SCFD2: variants seen among roughly 807,000 people sequenced by gnomAD.
The protein encoded by SCFD2 is sec1 family domain-containing protein 2.
Under a neutral mutation model 58.9 loss-of-function variants are expected in SCFD2, and 54 were observed. The observed-to-expected ratio is 0.92, with a 90% CI of 0.74 to 1.15. SCFD2 has a LOEUF of 1.15. SCFD2 is among the 50% of genes most tolerant of loss of function. SCFD2 has a pLI of 0.00. For synonymous variants in SCFD2, 321 were observed against 335.9 expected (o/e 0.96, Z 0.49); for missense variants, 805 against 836.6 (o/e 0.96, Z 0.47).
chr4:53,199,670 C>T (rs1271829917), intron 4 of SCFD2, among the ~76,000 whole-genome samples: 1 of 152,052 alleles, frequency 6.6e-6, no homozygotes, highest in Non-Finnish European at 1.5e-5. Context: ...AGCAGCAAGA[C>T]TTGATGAACT....
intron 5 of SCFD2, among the ~76,000 whole-genome samples, chr4:53,136,763 G>C (rs1725955556): frequency 6.6e-6 from 1 of 152,146 alleles, no homozygotes; most frequent in Admixed American, 6.5e-5. Flanking sequence ...AGATCCACTT[G>C]ACTCCGAATC....
At chr4:53,020,498 C>T (rs984199073) in intron 5 of SCFD2, among the ~76,000 whole-genome samples, 1 of 152,202 alleles carries the variant, frequency 6.6e-6, no homozygotes, top group African/African-American at 2.4e-5. Context: ...TCTACATCCC[C>T]ATCCAGTCAG....
chr4:52,996,176 C>T (rs566535618), intron 5 of SCFD2, among the ~76,000 whole-genome samples: 2 of 152,322 alleles, frequency 1.3e-5, no homozygotes, highest in Admixed American at 6.5e-5. Context: ...AGGGACCAGA[C>T]TTACTTGAAA....
intron 4 of SCFD2, among the ~76,000 whole-genome samples, chr4:53,198,921 C>T (rs920832936): frequency 2.0e-5 from 3 of 151,992 alleles, no homozygotes; most frequent in African/African-American, 7.2e-5. Context: ...TCATAATTAC[C>T]GTCCAAAAGA....
chr4:53,201,102 C>CA (rs1728219441), intron 4 of SCFD2, among the ~76,000 whole-genome samples: 3 of 151,830 alleles, frequency 2.0e-5, no homozygotes, highest in African/African-American at 7.3e-5. Flanking sequence ...TATACATGTG[C>CA]CATGTTGGTG....
chr4:53,099,810 A>C (rs1219458184), intron 5 of SCFD2, among the ~76,000 whole-genome samples: 1 of 152,142 alleles, frequency 6.6e-6, no homozygotes, highest in Non-Finnish European at 1.5e-5. Context: ...AACACCGGGG[A>C]TCAAATTTCA....
chr4:53,188,933 C>T (rs1195904697), intron 4 of SCFD2, among the ~76,000 whole-genome samples: 1 of 152,150 alleles, frequency 6.6e-6, no homozygotes, highest in African/African-American at 2.4e-5. Context: ...TTAGGGGACT[C>T]TCCCATTTTG....
intron 4 of SCFD2, among the ~76,000 whole-genome samples, chr4:53,256,902 G>C: frequency 7.4e-6 from 1 of 134,630 alleles, no homozygotes; most frequent in South Asian, 2.7e-4. Context: ...GGGAGAGAGG[G>C]AGGGGGACGG....
intron 5 of SCFD2, among the ~76,000 whole-genome samples, chr4:53,034,833 A>T (rs1443329676): frequency 6.6e-6 from 1 of 152,242 alleles, no homozygotes; most frequent in Non-Finnish European, 1.5e-5. Flanking sequence ...GAGGACACAA[A>T]CAAATGTAAG....
At chr4:52,924,441 C>T (rs369356941) in intron 5 of SCFD2, among the ~76,000 whole-genome samples, 36 of 152,052 alleles carry the variant, frequency 2.4e-4, no homozygotes, top group Non-Finnish European at 4.3e-4. Flanking sequence ...AACTGCTGGA[C>T]GGAAAATGCA....
chr4:53,146,468 A>G (rs1726335111), intron 4 of SCFD2, among the ~76,000 whole-genome samples: 1 of 152,222 alleles, frequency 6.6e-6, no homozygotes, highest in Admixed American at 6.5e-5. Context: ...TATCATATTC[A>G]AATCAGGGGC....
At chr4:53,172,881 C>T (rs1727220279) in intron 4 of SCFD2, among the ~76,000 whole-genome samples, 1 of 152,060 alleles carries the variant, frequency 6.6e-6, no homozygotes, top group African/African-American at 2.4e-5. Context: ...AGTTCAAGAC[C>T]AATGTTTCCT....
chr4:53,095,803 G>A (rs569475496), intron 5 of SCFD2, among the ~76,000 whole-genome samples: 24 of 151,734 alleles, frequency 1.6e-4, no homozygotes, highest in African/African-American at 5.6e-4. Context: ...CATGTGCCAC[G>A]TTGGTGTGCT....
intron 7 of SCFD2, among the ~76,000 whole-genome samples, chr4:52,897,789 C>G (rs1560473893): frequency 2.0e-5 from 3 of 152,098 alleles, no homozygotes; most frequent in Non-Finnish European, 2.9e-5. Flanking sequence ...TGGTCCTGGA[C>G]TTTTTTTGGT....
At chr4:53,196,072 G>A (rs1728048200) in intron 4 of SCFD2, among the ~76,000 whole-genome samples, 1 of 152,190 alleles carries the variant, frequency 6.6e-6, no homozygotes, top group South Asian at 2.1e-4. Context: ...AGATCAGGAG[G>A]TGACAGAAAC....
At chr4:53,122,676 G>A (rs1449616453) in intron 5 of SCFD2, among the ~76,000 whole-genome samples, 1 of 152,170 alleles carries the variant, frequency 6.6e-6, no homozygotes, top group Non-Finnish European at 1.5e-5. Context: ...TCACCTAATA[G>A]TTTTGTGATG....
At chr4:53,175,160 C>T (rs1727291700) in intron 4 of SCFD2, among the ~76,000 whole-genome samples, 1 of 152,120 alleles carries the variant, frequency 6.6e-6, no homozygotes, top group Non-Finnish European at 1.5e-5. Flanking sequence ...AATAGAAAAA[C>T]TTCAAATCAC....
chr4:53,021,905 T>C (rs10024057), intron 5 of SCFD2, among the ~76,000 whole-genome samples: 29,898 of 152,030 alleles, frequency 0.2, 5,400 homozygotes, highest in African/African-American at 0.48. Flanking sequence ...CACTCTATGA[T>C]GACTGGTGCC....
chr4:53,004,822 G>T (rs768596054), intron 5 of SCFD2, among the ~76,000 whole-genome samples: 1 of 152,116 alleles, frequency 6.6e-6, no homozygotes, highest in Non-Finnish European at 1.5e-5. Context: ...CTTATGGTTG[G>T]GGGTATTTTT....
Sources: gnomAD v4.1 joint callset for allele counts (sites outside exome capture counted in the v4.1 genomes callset) on GRCh38, gnomAD v4.1.1 for gene constraint, MANE v1.5 for transcripts, NCBI Gene and HGNC (gene_info 2026-07-23, HGNC 2026-07-21) for gene names.